The following SH3GL2 variants were observed in gnomAD, a reference collection of about 807,000 sequenced individuals.
SH3GL2 encodes SH3 domain containing GRB2 like 2, endophilin A1, also known as endophilin-A1.
Under a neutral mutation model 46.0 loss-of-function variants are expected in SH3GL2, and 24 were observed. The ratio of observed to expected loss-of-function variants is 0.52; its 90% CI spans 0.38 to 0.73. The LOEUF is 0.73. Among genes scored for constraint, SH3GL2 ranks in the 30% least tolerant of loss-of-function variants. SH3GL2 has a pLI of 0.00. For missense variants in SH3GL2, 413 were observed against 424.2 expected (o/e 0.97, Z 0.23); for synonymous variants, 196 against 147.1 (o/e 1.33, Z -2.40).
At chr9:17,768,534 C>G (rs1484441448) in intron 3 of SH3GL2, among the ~76,000 whole-genome samples, 7 of 152,082 alleles carry the variant, frequency 4.6e-5, no homozygotes, top group Non-Finnish European at 7.3e-5. Flanking sequence ...TCAGCATGGC[C>G]TTTAAGATCC....
At chr9:17,678,551 A>G (rs139316801) in intron 1 of SH3GL2, among the ~76,000 whole-genome samples, 4,932 of 152,152 alleles carry the variant, frequency 0.032, 303 homozygotes, top group African/African-American at 0.11. Context: ...AGATGAGTAG[A>G]TTGCAAAAAT....
At chr9:17,697,040 TG>T in intron 1 of SH3GL2, among the ~76,000 whole-genome samples, 1 of 152,228 alleles carries the variant, frequency 6.6e-6, no homozygotes, top group Admixed American at 6.5e-5. Flanking sequence ...GATACTGTCC[TG>T]GGCTGACATT....
intron 1 of SH3GL2, among the ~76,000 whole-genome samples, chr9:17,724,402 G>A (rs1468820481): frequency 2.6e-5 from 4 of 151,918 alleles, no homozygotes; most frequent in South Asian, 2.1e-4. Context: ...CTTTACTTCC[G>A]TAGGCATGGT....
intron 1 of SH3GL2, among the ~76,000 whole-genome samples, chr9:17,636,307 A>G (rs114724832): frequency 6.6e-6 from 1 of 152,200 alleles, no homozygotes; most frequent in Non-Finnish European, 1.5e-5. Flanking sequence ...GTAATGGATG[A>G]ATGGTCTGTG....
chr9:17,738,667 GAGAGAGAT>G (rs1822434932), intron 1 of SH3GL2, among the ~76,000 whole-genome samples: 1 of 143,576 alleles, frequency 7.0e-6, no homozygotes. Flanking sequence ...GAGAGAGAGA[GAGAGAGAT>G]AATTTTATTT....
chr9:17,592,642 GA>G (rs1818505426), intron 1 of SH3GL2, among the ~76,000 whole-genome samples: 1 of 152,152 alleles, frequency 6.6e-6, no homozygotes, highest in Non-Finnish European at 1.5e-5. Context: ...TAGAATGGAA[GA>G]AGAATAAAAT....
rs1282380518 is a variant in SH3GL2 at position 17,620,719 on chromosome 9, G to A, written c.45+41432G>A. 3.9e-5 allele frequency among the ~76,000 whole-genome samples: 6 copies of A among 152,298 alleles called. No individual in the cohort carries two copies. The South Asian group carries it at 1.2e-3, about 32-fold the overall frequency. ...ATAGAATTTATCAGACATGGTGATT[G>A]AATGTGGAGGGAGAGGGAGAAGTCA... On this transcript the variant is annotated intron_variant, in intron 1 of 8. Transcript: ENST00000380607.
At chr9:17,778,371 A>G (rs1050903350) in intron 3 of SH3GL2, among the ~76,000 whole-genome samples, 17 of 152,188 alleles carry the variant, frequency 1.1e-4, no homozygotes, top group African/African-American at 3.9e-4. Context: ...AATAATACCT[A>G]ATGTCAGATG....
At chr9:17,600,927 T>G (rs1331084209) in intron 1 of SH3GL2, among the ~76,000 whole-genome samples, 2 of 152,198 alleles carry the variant, frequency 1.3e-5, no homozygotes. Context: ...CTTAATGAAT[T>G]TTGGAGCTGC....
chr9:17,725,056 A>G (rs1821988278), intron 1 of SH3GL2, among the ~76,000 whole-genome samples: 2 of 151,880 alleles, frequency 1.3e-5, no homozygotes, highest in Non-Finnish European at 2.9e-5. Context: ...CTTCCAGACC[A>G]TGATAGGTGA....
intron 1 of SH3GL2, among the ~76,000 whole-genome samples, chr9:17,643,098 CT>C (rs1215504271): frequency 6.6e-6 from 1 of 152,080 alleles, no homozygotes; most frequent in East Asian, 1.9e-4. Context: ...TGAAGAGGTC[CT>C]TCACATCCCT....
intron 1 of SH3GL2, among the ~76,000 whole-genome samples, chr9:17,670,538 T>G (rs1820448285): frequency 6.6e-6 from 1 of 152,224 alleles, no homozygotes; most frequent in Non-Finnish European, 1.5e-5. Flanking sequence ...TTCCAAGTTT[T>G]TACACAAAAC....
chr9:17,683,125 A>T (rs1467183938), intron 1 of SH3GL2, among the ~76,000 whole-genome samples: 14 of 152,112 alleles, frequency 9.2e-5, no homozygotes, highest in Non-Finnish European at 4.4e-5. Flanking sequence ...GTAAATGCTG[A>T]TGCTGATGTC....
intron 7 of SH3GL2, 118 bp downstream of exon 7, chr9:17,791,452 C>G (rs1824127764): frequency 5.6e-6 from 4 of 717,054 alleles, no homozygotes; most frequent in Non-Finnish European, 9.8e-6. Context: ...TCCGCTTATC[C>G]TACAGAGGCG....
intron 3 of SH3GL2, among the ~76,000 whole-genome samples, chr9:17,763,319 T>C (rs756390547): frequency 6.6e-6 from 1 of 152,172 alleles, no homozygotes; most frequent in East Asian, 1.9e-4. Context: ...ACTAAACTTA[T>C]AAGGAATGTG....
intron 1 of SH3GL2, among the ~76,000 whole-genome samples, chr9:17,614,294 T>TAAAA (rs1818935410): frequency 1.8e-4 from 2 of 11,220 alleles, no homozygotes; most frequent in Non-Finnish European, 3.0e-4. Context: ...GCATGGTTTC[T>TAAAA]GAAAAAAAAA....
At chr9:17,712,587 C>G (rs1158065188) in intron 1 of SH3GL2, among the ~76,000 whole-genome samples, 1 of 151,788 alleles carries the variant, frequency 6.6e-6, no homozygotes, top group Non-Finnish European at 1.5e-5. Context: ...ACTGTATTGC[C>G]TTTCTATCTC....
intron 1 of SH3GL2, among the ~76,000 whole-genome samples, chr9:17,665,722 G>C (rs138829812): frequency 1.3e-5 from 2 of 151,586 alleles, no homozygotes; most frequent in Non-Finnish European, 2.9e-5. Context: ...AGTACTCTAA[G>C]GACCCCTGGT....
At chr9:17,621,588 A>G (rs78205901) in intron 1 of SH3GL2, among the ~76,000 whole-genome samples, 3,402 of 152,334 alleles carry the variant, frequency 0.022, 128 homozygotes, top group African/African-American at 0.078. Flanking sequence ...GATCAAGATC[A>G]TGTTCTTTAA....
Sources: gnomAD v4.1 joint callset for allele counts (sites outside exome capture counted in the v4.1 genomes callset) on GRCh38, gnomAD v4.1.1 for gene constraint, MANE v1.5 for transcripts, NCBI Gene and HGNC (gene_info 2026-07-23, HGNC 2026-07-21) for gene names.